GALNT18: variants seen among roughly 807,000 people sequenced by gnomAD.
GALNT18 encodes GalNAc-transferase 18.
In GALNT18, 44 loss-of-function variants were observed where a neutral mutation model predicts 69.5. The ratio of observed to expected loss-of-function variants is 0.63; its 90% CI spans 0.50 to 0.81. The LOEUF is 0.81. Ranked by LOEUF, GALNT18 falls within the 40% of genes least tolerant of loss-of-function variation. The pLI, the probability that GALNT18 is intolerant of heterozygous loss-of-function variation, is 0.00. For synonymous variants in GALNT18, 364 were observed against 318.2 expected (o/e 1.14, Z -1.53); for missense variants, 715 against 810.0 (o/e 0.88, Z 1.42).
rs978318353 is a variant in GALNT18, at chr11:11,574,402, C to G, written c.235+46957G>C. Among the ~76,000 whole-genome samples the G allele has an allele frequency of 2.6e-5, 4 of 152,296 alleles. No homozygotes were observed. The East Asian group carries it at 7.7e-4, about 29-fold the overall frequency. ...TAGGTACCATGGGTGAACCATCTCCCTGGTCTGGACTTAAAGGTCTGATTT... is the reference window on the plus strand; with the variant it reads ...TAGGTACCATGGGTGAACCATCTCCGTGGTCTGGACTTAAAGGTCTGATTT... On this transcript the variant is annotated intron_variant, in intron 1 of 10. Coordinates refer to ENST00000227756, the MANE Select transcript of GALNT18 (RefSeq NM_198516.3).
chr11:11,392,164 T>A (rs1259736714), intron 3 of GALNT18, among the ~76,000 whole-genome samples: 3 of 152,198 alleles, frequency 2.0e-5, no homozygotes, highest in African/African-American at 7.2e-5. Context: ...ACCTATGGTT[T>A]TACCCTTCTC....
Position 11,372,407 on chromosome 11 carries a change from T to G in GALNT18, c.1092+108A>C. The G allele has an allele frequency of 1.2e-6, 1 of 811,040 alleles. No individual in the cohort carries two copies. Among genetic ancestry groups the G allele is most frequent in the Non-Finnish European group, 2.1e-6 (1 of 483,390 alleles). The allele number at this position is 811,040 out of a possible 1,614,324, so 50.2% of individuals were successfully genotyped here. A position where few individuals can be genotyped will look rare whatever the true frequency, so the allele number is the denominator to read the frequency against. ...ACACACAGGATTCAGGACTGGACAT[T>G]CAGAATCAGTCTGTGACCCTCAACC... On this transcript the variant is annotated intron_variant, in intron 6 of 10. Transcript: ENST00000227756. The surrounding 1 kb of genome is among the most constrained non-coding windows in gnomAD (Gnocchi z 4.9).
intron 1 of GALNT18, chr11:11,475,532 G>A (rs1173227166): frequency 6.6e-6 from 1 of 152,168 alleles, no homozygotes; most frequent in Non-Finnish European, 1.5e-5. Context: ...TAATAATCAT[G>A]AATGTCAACA....
In GALNT18 at chr11:11,613,900, T is replaced by A. The variant is rs143059109; in HGVS notation, c.235+7459A>T. Among the ~76,000 whole-genome samples, 1 of 152,196 alleles carries A rather than the reference T, an allele frequency of 6.6e-6. No individual in the cohort carries two copies. Among genetic ancestry groups the A allele is most frequent in the African/African-American group, 2.4e-5 (1 of 41,466 alleles). On this transcript the variant is annotated intron_variant, in intron 1 of 10. Transcript: ENST00000227756. This position sits in a 1 kb window ranked among gnomAD's most constrained non-coding sequence, Gnocchi z 4.2. ...TTCCATCTCTCCCCAAAGCCCACCATGCTGCCTTCTGGTTACATTTATCAC... is the reference window on the plus strand; with the variant it reads ...TTCCATCTCTCCCCAAAGCCCACCAAGCTGCCTTCTGGTTACATTTATCAC...
chr11:11,556,862 T>C (rs1200627615), intron 1 of GALNT18, among the ~76,000 whole-genome samples: 1 of 152,242 alleles, frequency 6.6e-6, no homozygotes, highest in Non-Finnish European at 1.5e-5. Context: ...CTATAGAACA[T>C]TTTTTAAAGG....
rs1418214954 is a variant in GALNT18 at position 11,497,733 on chromosome 11, GTGCA to G, written c.236-48801_236-48798del. On this transcript the variant is annotated intron_variant, in intron 1 of 10. Transcript: ENST00000227756. The surrounding 1 kb of genome is among the most constrained non-coding windows in gnomAD (Gnocchi z 4.2). Reference sequence around the variant, plus strand: ...TGAAATTGTGCAGATAAATGTGTATGTGCATATACATATTTTCTATATATATATA... The same window carrying G: ...TGAAATTGTGCAGATAAATGTGTATGTATACATATTTTCTATATATATATA... Among the ~76,000 whole-genome samples the G allele has an allele frequency of 1.5e-5, 2 of 136,080 alleles. No individual in the cohort carries two copies. The highest frequency in any genetic ancestry group is 4.3e-4 in the East Asian group (2 of 4,612). 89.3% of individuals were successfully genotyped at this position (136,080 alleles called of 152,430 possible).
intron 3 of GALNT18, among the ~76,000 whole-genome samples, chr11:11,422,194 G>A (rs1388144108): frequency 2.6e-5 from 4 of 152,232 alleles, no homozygotes; most frequent in African/African-American, 7.2e-5. Context: ...AGTCATATAA[G>A]TCATTACAGT....
At chr11:11,557,220 T>C (rs1858352717) in intron 1 of GALNT18, among the ~76,000 whole-genome samples, 1 of 152,230 alleles carries the variant, frequency 6.6e-6, no homozygotes, top group Non-Finnish European at 1.5e-5. Flanking sequence ...TGCCATTTAA[T>C]GTTTCAGTAT....
rs540608639 is a variant in GALNT18, at chr11:11,511,308, T to C, written c.236-62372A>G. ...GCAGGGAGGGCTCCTTGAAGCTAATTACTGCCACCAGGCCCTGGTCTCAGA... is the reference window on the plus strand; with the variant it reads ...GCAGGGAGGGCTCCTTGAAGCTAATCACTGCCACCAGGCCCTGGTCTCAGA... On this transcript the variant is annotated intron_variant, in intron 1 of 10. Coordinates refer to ENST00000227756, the MANE Select transcript of GALNT18 (RefSeq NM_198516.3). The surrounding 1 kb of genome is among the most constrained non-coding windows in gnomAD (Gnocchi z 4.9). Among the ~76,000 whole-genome samples, 1 of 152,156 alleles carries C rather than the reference T, an allele frequency of 6.6e-6. No homozygotes were observed. Among genetic ancestry groups the C allele is most frequent in the Non-Finnish European group, 1.5e-5 (1 of 68,018 alleles).
In GALNT18 at chr11:11,341,780, G is replaced by GC. The variant is rs753710432; in HGVS notation, c.1093-777dup. 7.9e-5 allele frequency among the ~76,000 whole-genome samples: 12 copies of GC among 151,910 alleles called. No individual in the cohort carries two copies. The highest frequency in any genetic ancestry group is 3.4e-3 in the Middle Eastern group (1 of 294). ...TCCATTCTGCTGGTAATTTTAGAAT[G>GC]CCCCACTGCCCCCAACTCCTTCTTC... On this transcript the variant is annotated intron_variant, in intron 6 of 10. Transcript: ENST00000227756. The surrounding 1 kb of genome is among the most constrained non-coding windows in gnomAD (Gnocchi z 6.3).
At chr11:11,431,712 C>T (rs953571103) in intron 3 of GALNT18, among the ~76,000 whole-genome samples, 2 of 152,206 alleles carry the variant, frequency 1.3e-5, no homozygotes, top group East Asian at 1.9e-4. Context: ...CCCATCTGAA[C>T]TTCTCATTAC....
At chr11:11,374,167 C>A (rs1185095716) in intron 5 of GALNT18, among the ~76,000 whole-genome samples, 2 of 152,162 alleles carry the variant, frequency 1.3e-5, no homozygotes, top group South Asian at 2.1e-4. Flanking sequence ...CTAAAGCAGA[C>A]TGAGACCCTG....
intron 1 of GALNT18, among the ~76,000 whole-genome samples, chr11:11,472,634 T>C (rs4910350): frequency 0.14 from 21,525 of 152,148 alleles, 1,824 homozygotes; most frequent in East Asian, 0.34. Context: ...GTTAGAGTAA[T>C]AAAACTAATG....
Position 11,620,620 on chromosome 11 carries a change from C to T in GALNT18, c.235+739G>A, listed in dbSNP as rs1249300168. 6.6e-6 allele frequency among the ~76,000 whole-genome samples: 1 copy of T among 152,172 alleles called. No individual in the cohort carries two copies. Among genetic ancestry groups the T allele is most frequent in the African/African-American group, 2.4e-5 (1 of 41,448 alleles). ...GCGGCTCCGCGGGGAAGGCGCAGCC[C>T]AGGGCGTGTTCTTCCAGTCTTGGGC... is the stretch of plus-strand genomic sequence containing the variant. On this transcript the variant is annotated intron_variant, in intron 1 of 10. Coordinates refer to ENST00000227756, the MANE Select transcript of GALNT18 (RefSeq NM_198516.3). The surrounding 1 kb of genome is among the most constrained non-coding windows in gnomAD (Gnocchi z 6.9).
In GALNT18 at chr11:11,273,966, G is replaced by A. The variant is rs566824456; in HGVS notation, c.1678-2676C>T. The stretch of plus-strand genomic sequence containing the variant: ...CATGCAGAAGGCGGGTGATTTCTGC[G>A]TTTCCAACTGAGGGACCTGGTTCAT... On this transcript the variant is annotated intron_variant, in intron 10 of 10. Coordinates refer to ENST00000227756, the MANE Select transcript of GALNT18 (RefSeq NM_198516.3). Among the ~76,000 whole-genome samples, 10 of 152,242 alleles carry A rather than the reference G, an allele frequency of 6.6e-5. No individual in the cohort carries two copies. The East Asian group carries it at 9.7e-4, about 15-fold the overall frequency.
intron 2 of GALNT18, among the ~76,000 whole-genome samples, chr11:11,438,583 A>G (rs951863755): frequency 2.0e-5 from 3 of 152,188 alleles, no homozygotes; most frequent in African/African-American, 7.2e-5. Context: ...ATGGTAAGTT[A>G]TCTTCCAGGG....
chr11:11,419,497 T>G (rs1431264699), intron 3 of GALNT18, among the ~76,000 whole-genome samples: 2 of 146,994 alleles, frequency 1.4e-5, no homozygotes, highest in African/African-American at 5.1e-5. Context: ...CTCAGGAGGC[T>G]GAGGCATGAG....
chr11:11,298,786 A>G (rs1849443649), intron 9 of GALNT18, among the ~76,000 whole-genome samples: 1 of 152,224 alleles, frequency 6.6e-6, no homozygotes, highest in Non-Finnish European at 1.5e-5. Flanking sequence ...TTTTCTTTGA[A>G]CAACAGGTTA....
intron 3 of GALNT18, among the ~76,000 whole-genome samples, chr11:11,423,935 G>A (rs1277888429): frequency 2.6e-5 from 4 of 152,194 alleles, no homozygotes; most frequent in African/African-American, 9.6e-5. Flanking sequence ...AGCGCTCAAT[G>A]AGCTGGGGGC....
Sources: gnomAD v4.1 joint callset for allele counts (sites outside exome capture counted in the v4.1 genomes callset) on GRCh38, gnomAD v4.1.1 for gene constraint, Gnocchi (gnomAD v3.1) non-coding constraint, MANE v1.5 for transcripts, NCBI Gene and HGNC (gene_info 2026-07-23, HGNC 2026-07-21) for gene names.